Variants in RGS6 observed in about 807,000 individuals in gnomAD.
RGS6 encodes regulator of G protein signaling 6, also known as regulator of G-protein signaling 6.
RGS6 carries 30 observed loss-of-function variants against 78.5 expected under a neutral mutation model. The observed-to-expected ratio is 0.38, with a 90% CI of 0.29 to 0.52. The LOEUF (loss-of-function observed/expected upper bound fraction) is 0.52. Ranked by LOEUF, RGS6 falls within the 20% of genes least tolerant of loss-of-function variation. The pLI, the probability that RGS6 is intolerant of heterozygous loss-of-function variation, is 0.85. For synonymous variants in RGS6, 206 were observed against 206.0 expected (o/e 1.00, Z 0.00); for missense variants, 495 against 609.7 (o/e 0.81, Z 1.98).
At chr14:72,325,262 C>T (rs959017374) in intron 2 of RGS6, among the ~76,000 whole-genome samples, 4 of 152,188 alleles carry the variant, frequency 2.6e-5, no homozygotes, top group Admixed American at 6.5e-5. Flanking sequence ...AGCCCTTTGT[C>T]AGATGGGTAC....
At chr14:72,011,360 A>G (rs559023114) in intron 2 of RGS6, among the ~76,000 whole-genome samples, 1 of 152,332 alleles carries the variant, frequency 6.6e-6, no homozygotes, top group South Asian at 2.1e-4. Context: ...TTGTGGCCTC[A>G]TGATGGCATC....
At chr14:72,536,093 T>G in intron 15 of RGS6, 93 bp from the exon 16 acceptor site, 1 of 1,004,588 alleles carries the variant, frequency 1.0e-6, no homozygotes, top group South Asian at 1.3e-5. Flanking sequence ...TTCCTTCATC[T>G]CCTTCCCCAA....
At chr14:72,236,615 C>T (rs2153817971) in intron 2 of RGS6, among the ~76,000 whole-genome samples, 1 of 152,352 alleles carries the variant, frequency 6.6e-6, no homozygotes, top group Admixed American at 6.5e-5. Context: ...AAGGCTGTCA[C>T]TTCACACTTG....
intron 2 of RGS6, among the ~76,000 whole-genome samples, chr14:72,156,003 A>G (rs544588476): frequency 6.6e-6 from 1 of 152,312 alleles, no homozygotes; most frequent in Non-Finnish European, 1.5e-5. Flanking sequence ...AAATACTGAC[A>G]CTTGGGTTCC....
chr14:72,431,047 A>G (rs1015098776), intron 3 of RGS6, among the ~76,000 whole-genome samples: 12 of 152,218 alleles, frequency 7.9e-5, no homozygotes. Flanking sequence ...TGGGTATGCA[A>G]GTGTTGCATC....
chr14:71,890,154 C>T, the RGS6 span, among the ~76,000 whole-genome samples: 2 of 152,046 alleles, frequency 1.3e-5, no homozygotes, highest in Admixed American at 6.6e-5. Flanking sequence ...TTCTTTACAG[C>T]GATGTGTGAA....
chr14:72,147,188 A>G (rs1373209879), intron 2 of RGS6, among the ~76,000 whole-genome samples: 1 of 152,202 alleles, frequency 6.6e-6, no homozygotes, highest in Admixed American at 6.5e-5. Context: ...ATGACAATCT[A>G]TGCTTCTTAA....
intron 2 of RGS6, among the ~76,000 whole-genome samples, chr14:72,014,855 C>T (rs2086625636): frequency 6.6e-6 from 1 of 152,158 alleles, no homozygotes. Flanking sequence ...GCCTTCTCCC[C>T]TTTTTCCATC....
At chr14:72,559,180 G>A (rs1296256449) in intron 17 of RGS6, among the ~76,000 whole-genome samples, 3 of 152,214 alleles carry the variant, frequency 2.0e-5, no homozygotes, top group African/African-American at 7.2e-5. Flanking sequence ...GGAGGGTACA[G>A]GCAGGAGCTC....
intron 4 of RGS6, among the ~76,000 whole-genome samples, chr14:72,457,000 C>G (rs2095647600): frequency 6.7e-6 from 1 of 148,708 alleles, no homozygotes; most frequent in Admixed American, 6.8e-5. Flanking sequence ...AGAAGTATCA[C>G]TTGAGCCCAG....
At position 72,091,185 on chromosome 14, in the gene RGS6, C is replaced by G. The variant is rs533938042; in HGVS notation, c.84+126310C>G. On this transcript the variant is annotated intron_variant, in intron 2 of 17. Transcript: ENST00000553525. The stretch of plus-strand genomic sequence containing the variant: ...TGCCATAGCTCCAACTCCTGGCCTT[C>G]TCCCACTCCCCGCTGCCTGCTGGCA... Among the ~76,000 whole-genome samples, 17 of 152,274 alleles carry G rather than the reference C, an allele frequency of 1.1e-4. No homozygotes were observed. The South Asian group carries it at 3.3e-3, about 30-fold the overall frequency.
intron 3 of RGS6, among the ~76,000 whole-genome samples, chr14:72,430,871 CTG>C (rs1347281252): frequency 6.6e-6 from 1 of 152,130 alleles, no homozygotes; most frequent in East Asian, 1.9e-4. Flanking sequence ...CAGCTGGTGT[CTG>C]TGGTCTGCAG....
chr14:72,477,815 AAG>A (rs2096276598), intron 11 of RGS6, among the ~76,000 whole-genome samples: 4 of 147,720 alleles, frequency 2.7e-5, no homozygotes, highest in Admixed American at 1.4e-4. Flanking sequence ...AAAAGAAAAA[AAG>A]AAAAAAAAAC....
chr14:72,432,162 T>C (rs758577708), intron 3 of RGS6, among the ~76,000 whole-genome samples: 9 of 152,164 alleles, frequency 5.9e-5, no homozygotes, highest in Non-Finnish European at 1.3e-4. Context: ...CTGTTAGACA[T>C]TGACATAGAC....
the RGS6 span, among the ~76,000 whole-genome samples, chr14:71,891,457 G>A: frequency 6.6e-6 from 1 of 152,192 alleles, no homozygotes; most frequent in Non-Finnish European, 1.5e-5. Flanking sequence ...CCAGCAGGGT[G>A]GTCTTAGCCA....
chr14:72,050,648 A>G (rs1191792260), intron 2 of RGS6, among the ~76,000 whole-genome samples: 1 of 152,236 alleles, frequency 6.6e-6, no homozygotes, highest in Non-Finnish European at 1.5e-5. Context: ...GCTGTGTCTC[A>G]AAATTGTGTT....
chr14:72,625,637 A>T, the RGS6 span, among the ~76,000 whole-genome samples: 1 of 152,352 alleles, frequency 6.6e-6, no homozygotes, highest in East Asian at 1.9e-4. Context: ...CCCAGCCAAC[A>T]CAGCTAGGAA....
At chr14:72,111,027 A>G (rs563393159) in intron 2 of RGS6, among the ~76,000 whole-genome samples, 8 of 152,030 alleles carry the variant, frequency 5.3e-5, no homozygotes, top group African/African-American at 1.4e-4. Context: ...GCTTTTTCTC[A>G]TTGTTCCTCA....
At chr14:72,606,431 G>A in the RGS6 span, among the ~76,000 whole-genome samples, 1 of 152,206 alleles carries the variant, frequency 6.6e-6, no homozygotes, top group East Asian at 1.9e-4. Flanking sequence ...CCAGGGAGGG[G>A]AAACCATATT....
Sources: gnomAD v4.1 joint callset for allele counts (sites outside exome capture counted in the v4.1 genomes callset) on GRCh38, gnomAD v4.1.1 for gene constraint, MANE v1.5 for transcripts, NCBI Gene and HGNC (gene_info 2026-07-23, HGNC 2026-07-21) for gene names.